Variants in SEPTIN9 observed in about 807,000 individuals in gnomAD.
The protein encoded by SEPTIN9 is septin 9, also known as septin-9.
In SEPTIN9, 13 loss-of-function variants were observed where a neutral mutation model predicts 56.6. The ratio of observed to expected loss-of-function variants is 0.23; its 90% CI spans 0.15 to 0.37. The LOEUF (loss-of-function observed/expected upper bound fraction) is 0.37, where lower values mean the gene tolerates loss of function less well. SEPTIN9 is among the 10% of genes least tolerant of loss of function. SEPTIN9 has a pLI of 1.00. For synonymous variants in SEPTIN9, 332 were observed against 334.1 expected (o/e 0.99, Z 0.07); for missense variants, 650 against 823.1 (o/e 0.79, Z 2.57).
At chr17:77,414,434 C>G (rs1024479225) in intron 3 of SEPTIN9, among the ~76,000 whole-genome samples, 2 of 152,060 alleles carry the variant, frequency 1.3e-5, no homozygotes, top group Non-Finnish European at 1.5e-5. Context: ...AGTAGTGCAA[C>G]CATCGTCACC....
rs149789591 is a variant in SEPTIN9, at chr17:77,488,883, G to A, written c.1262+19G>A. On this transcript the variant is annotated intron_variant, in intron 7 of 11. Coordinates refer to ENST00000427177, the MANE Select transcript of SEPTIN9 (RefSeq NM_001113491.2). ...GCCACTCGTACGTCCCTGCAGTGTC[G>A]GCGTCCTCATGCCGGGTGCCCTGGG... 2.1e-3 allele frequency: 3,412 copies of A among 1,612,248 alleles called. 40 individuals carry two copies. In the African/African-American group the frequency reaches 0.026, roughly 12 times the overall value.
In SEPTIN9 at chr17:77,492,219, T is replaced by G. The variant is rs993733022; in HGVS notation, c.1381-402T>G. 1.3e-5 allele frequency among the ~76,000 whole-genome samples: 2 copies of G among 152,116 alleles called. No homozygotes were observed. Among genetic ancestry groups the G allele is most frequent in the Non-Finnish European group, 2.9e-5 (2 of 68,012 alleles). On this transcript the variant is annotated intron_variant, in intron 8 of 11. Transcript: ENST00000427177. The surrounding 1 kb of genome is among the most constrained non-coding windows in gnomAD (Gnocchi z 5.4). Reference sequence around the variant, plus strand: ...GTTGCACGTACCCATGTCGGGCTGCTGGCAGGGAGCTGAGAGGTTACTGCA... The same window carrying G: ...GTTGCACGTACCCATGTCGGGCTGCGGGCAGGGAGCTGAGAGGTTACTGCA...
chr17:77,284,481 T>A (rs1054162422), intron 1 of SEPTIN9, among the ~76,000 whole-genome samples: 1 of 152,186 alleles, frequency 6.6e-6, no homozygotes, highest in African/African-American at 2.4e-5. Context: ...GGCAGTGTGG[T>A]CCAGTGGTTA....
rs1232474583 is a variant in SEPTIN9, at chr17:77,396,590, A to G, written c.77-5469A>G. On this transcript the variant is annotated intron_variant, in intron 2 of 11. Transcript: ENST00000427177. ...CTTCCCAGGAGGCCTGCACATTGGG[A>G]AGAGAGGGGCGACCGTGTGTGACTG... is the stretch of plus-strand genomic sequence containing the variant. Among the ~76,000 whole-genome samples, 3 of 152,082 alleles carry G rather than the reference A, an allele frequency of 2.0e-5. No homozygotes were observed. In the East Asian group the frequency reaches 5.8e-4, roughly 29 times the overall value.
At chr17:77,495,951 C>G (rs1248640483) in intron 10 of SEPTIN9, among the ~76,000 whole-genome samples, 2 of 152,188 alleles carry the variant, frequency 1.3e-5, no homozygotes, top group East Asian at 3.8e-4. Flanking sequence ...CCCGCTCCAG[C>G]CTTATGCACT....
intron 2 of SEPTIN9, among the ~76,000 whole-genome samples, chr17:77,399,126 TG>T (rs1243932895): frequency 6.6e-6 from 1 of 152,190 alleles, no homozygotes; most frequent in Non-Finnish European, 1.5e-5. Flanking sequence ...CTTGTGCACG[TG>T]GGCCTGGCTG....
rs1598465394 is a variant in SEPTIN9 at position 77,288,408 on chromosome 17, G to A, written c.19+6854G>A. On this transcript the variant is annotated intron_variant, in intron 1 of 11. Coordinates refer to ENST00000427177, the MANE Select transcript of SEPTIN9 (RefSeq NM_001113491.2). ...CCAGGCGAGGCGTGTTGGGGCAGCG[G>A]CTGAGATGGGAGCAGCAGCATTGCC... 2.0e-5 allele frequency among the ~76,000 whole-genome samples: 3 copies of A among 152,366 alleles called. No homozygotes were observed. In the East Asian group the frequency reaches 5.8e-4, roughly 29 times the overall value.
At chr17:77,423,178 G>C (rs949343282) in intron 3 of SEPTIN9, among the ~76,000 whole-genome samples, 2 of 152,132 alleles carry the variant, frequency 1.3e-5, no homozygotes, top group Non-Finnish European at 2.9e-5. Flanking sequence ...TGGGACTACA[G>C]GCTCACACCA....
intron 2 of SEPTIN9, among the ~76,000 whole-genome samples, chr17:77,343,369 AC>A (rs1598221441): frequency 6.6e-6 from 1 of 152,156 alleles, no homozygotes; most frequent in East Asian, 1.9e-4. Context: ...GTTGTTGAAT[AC>A]CTGCAGGTGC....
At chr17:77,480,811 T>C (rs979419462) in intron 3 of SEPTIN9, among the ~76,000 whole-genome samples, 1 of 152,040 alleles carries the variant, frequency 6.6e-6, no homozygotes, top group African/African-American at 2.4e-5. Context: ...TGAGGCCAGA[T>C]CCTCCCTGGG....
In SEPTIN9 at chr17:77,499,171, C is replaced by A; in HGVS notation, c.*513C>A. 1.9e-6 allele frequency: 1 copy of A among 538,796 alleles called. No homozygotes were observed. Among genetic ancestry groups the A allele is most frequent in the South Asian group, 1.5e-5 (1 of 65,366 alleles). 33.4% of individuals were successfully genotyped at this position (538,796 alleles called of 1,614,324 possible). On this transcript the variant is annotated 3_prime_UTR_variant, in exon 12 of 12. Transcript: ENST00000427177. ...CCTGCCCGCCACATGGTGTGGCCATCACTCAGCCCCTACCCCTGCCCTGCT... is the reference window on the plus strand; with the variant it reads ...CCTGCCCGCCACATGGTGTGGCCATAACTCAGCCCCTACCCCTGCCCTGCT...
rs1015243936 is a variant in SEPTIN9 at position 77,432,825 on chromosome 17, C to T, written c.721+30122C>T. Among the ~76,000 whole-genome samples the T allele has an allele frequency of 3.9e-5, 6 of 152,248 alleles. No individual in the cohort carries two copies. In the East Asian group the frequency reaches 5.8e-4, roughly 15 times the overall value. On this transcript the variant is annotated intron_variant, in intron 3 of 11. Coordinates refer to ENST00000427177, the MANE Select transcript of SEPTIN9 (RefSeq NM_001113491.2). Reference sequence around the variant, plus strand: ...AGCCATCAAGAGGGGACCACCGCGGCGGCTGAGCAGAGTTGCTGACTTGTG... The same window carrying T: ...AGCCATCAAGAGGGGACCACCGCGGTGGCTGAGCAGAGTTGCTGACTTGTG...
At chr17:77,373,632 C>A (rs1396500713) in intron 2 of SEPTIN9, 3 of 1,509,946 alleles carry the variant, frequency 2.0e-6, no homozygotes, top group African/African-American at 2.9e-5. Context: ...GACGGGGGTG[C>A]GCTGAGGGGA....
intron 3 of SEPTIN9, among the ~76,000 whole-genome samples, chr17:77,417,835 C>T (rs2036556070): frequency 6.6e-6 from 1 of 152,202 alleles, no homozygotes; most frequent in Non-Finnish European, 1.5e-5. Context: ...ATCCTCCTAC[C>T]GGAGGGGGGG....
intron 2 of SEPTIN9, among the ~76,000 whole-genome samples, chr17:77,335,841 C>T (rs1447507748): frequency 1.7e-5 from 1 of 59,890 alleles, no homozygotes; most frequent in Non-Finnish European, 3.1e-5. Flanking sequence ...TACATGTAGG[C>T]CCTATGTTGA....
chr17:77,360,845 T>C (rs1043885343), intron 2 of SEPTIN9, among the ~76,000 whole-genome samples: 3 of 151,626 alleles, frequency 2.0e-5, no homozygotes, highest in Non-Finnish European at 2.9e-5. Context: ...ATTATGCCAC[T>C]GCGCCCGGCC....
Position 77,498,822 on chromosome 17 carries a change from T to G in SEPTIN9, c.*164T>G. 1.6e-6 allele frequency: 1 copy of G among 621,522 alleles called. No homozygotes were observed. Among genetic ancestry groups the G allele is most frequent in the South Asian group, 1.5e-5 (1 of 64,746 alleles). 38.5% of individuals were successfully genotyped at this position (621,522 alleles called of 1,614,324 possible). On this transcript the variant is annotated 3_prime_UTR_variant, in exon 12 of 12. Coordinates refer to ENST00000427177, the MANE Select transcript of SEPTIN9 (RefSeq NM_001113491.2). Reference sequence around the variant, plus strand: ...ACAAGGGAAGGGGCCTCCCTCCGAGTGAGTCAGTGATGAGGCCGCGGCCTC... The same window carrying G: ...ACAAGGGAAGGGGCCTCCCTCCGAGGGAGTCAGTGATGAGGCCGCGGCCTC...
chr17:77,423,952 AAC>A (rs1307167497), intron 3 of SEPTIN9, among the ~76,000 whole-genome samples: 4 of 80,210 alleles, frequency 5.0e-5, no homozygotes, highest in African/African-American at 2.4e-4. Flanking sequence ...GCCAGCAGGG[AAC>A]ACTCTGCCAG....
At chr17:77,416,307 T>C (rs2036506034) in intron 3 of SEPTIN9, among the ~76,000 whole-genome samples, 1 of 152,110 alleles carries the variant, frequency 6.6e-6, no homozygotes, top group South Asian at 2.1e-4. Flanking sequence ...AGGAAGGAGC[T>C]GGTGAGAACG....
Sources: gnomAD v4.1 joint callset for allele counts (sites outside exome capture counted in the v4.1 genomes callset) on GRCh38, gnomAD v4.1.1 for gene constraint, Gnocchi (gnomAD v3.1) non-coding constraint, MANE v1.5 for transcripts, NCBI Gene and HGNC (gene_info 2026-07-23, HGNC 2026-07-21) for gene names.